Variants in SYTL2 observed in about 807,000 individuals in gnomAD.
The protein encoded by SYTL2 is synaptotagmin-like protein 2.
SYTL2 carries 165 observed loss-of-function variants against 198.7 expected under a neutral mutation model. That is an observed-to-expected ratio of 0.83 (90% CI 0.73 to 0.94). The LOEUF (loss-of-function observed/expected upper bound fraction) is 0.94, where lower values mean the gene tolerates loss of function less well. Ranked by LOEUF, SYTL2 falls within the 40% of genes least tolerant of loss-of-function variation. The pLI is 0.00. For synonymous variants in SYTL2, 966 were observed against 917.7 expected (o/e 1.05, Z -0.95); for missense variants, 2,835 against 2,582.8 (o/e 1.10, Z -2.12).
chr11:85,725,148 C>A lies in SYTL2; in HGVS notation c.4210G>T (p.Val1404Leu). The change falls in exon 8 of 20, where the codon GTA becomes TTA. Residue 1404 changes from valine (V) to leucine (L), a missense_variant. Around this residue, in one of 3 missense-constraint regions of SYTL2, gnomAD observed 2,645 missense variants for 2,381.7 expected, o/e 1.11. Coordinates refer to ENST00000359152, the MANE Select transcript of SYTL2 (RefSeq NM_206927.4). ...GEVNPEFPEA[V>L]QPVCSPLNPP... is the part of the protein sequence containing the mutation. ...TTTAGGGGGCTACATACTGGCTGTA[C>A]TGCTTCAGGAAATTCTGGGTTCACT... is the stretch of plus-strand genomic sequence containing the variant. 6.2e-7 allele frequency: 1 copy of A among 1,614,066 alleles called. No individual in the cohort carries two copies. Among genetic ancestry groups the A allele is most frequent in the South Asian group, 1.1e-5 (1 of 91,058 alleles).
chr11:85,725,709 G>A lies in SYTL2; in HGVS notation c.3649C>T (p.Leu1217=). 1.2e-6 allele frequency: 2 copies of A among 1,614,014 alleles called. No individual in the cohort carries two copies. The highest frequency in any genetic ancestry group is 1.7e-6 in the Non-Finnish European group (2 of 1,179,962). Residue 1217 remains leucine, a synonymous_variant, in exon 8 of 20, where the codon CTG becomes TTG. Transcript: ENST00000359152. ...GGTGAAGTTCCAGTTGCTTCCTTCA[G>A]GAGTTTGTCTAGACTAGCAGTCAAA... ...NSLTASLDKL[L]KEATGTSPSP...
At chr11:85,812,698 G>C (rs1043979093), upstream of SYTL2, among the ~76,000 whole-genome samples, 2 of 152,192 alleles carry the variant, frequency 1.3e-5, no homozygotes, top group African/African-American at 4.8e-5. Flanking sequence ...GCAGAGACAT[G>C]GAGATGCCTG....
At chr11:85,821,672 G>A in the SYTL2 span, among the ~76,000 whole-genome samples, 1 of 152,218 alleles carries the variant, frequency 6.6e-6, no homozygotes, top group South Asian at 2.1e-4. Context: ...TCAGGGACAG[G>A]AGCTATATAT....
intron 1 of SYTL2, among the ~76,000 whole-genome samples, chr11:85,774,334 T>C (rs1178960611): frequency 2.0e-5 from 3 of 152,154 alleles, no homozygotes; most frequent in Non-Finnish European, 4.4e-5. Flanking sequence ...GAAACTGAAG[T>C]TCATGGATCT....
intron 12 of SYTL2, 101 bp downstream of exon 12, chr11:85,714,312 T>G (rs746188264): frequency 5.7e-5 from 53 of 937,994 alleles, no homozygotes; most frequent in Non-Finnish European, 8.7e-5. Context: ...CCTTCTGACC[T>G]CTTTGATCTC....
chr11:85,696,588 A>C (rs754169168), intron 18 of SYTL2, 200 bp from the exon 19 acceptor site: 3 of 579,650 alleles, frequency 5.2e-6, no homozygotes, highest in East Asian at 2.9e-5. Flanking sequence ...AGAGTCAGCT[A>C]TACTTGGTTT....
chr11:85,821,249 G>A, the SYTL2 span, among the ~76,000 whole-genome samples: 1 of 152,102 alleles, frequency 6.6e-6, no homozygotes, highest in African/African-American at 2.4e-5. Context: ...TTTTTCTAAT[G>A]GTACATAAAG....
upstream of SYTL2, among the ~76,000 whole-genome samples, chr11:85,813,781 G>A (rs2093058297): frequency 6.8e-6 from 1 of 146,682 alleles, no homozygotes; most frequent in Admixed American, 6.9e-5. Flanking sequence ...CCCAGGCAGT[G>A]GCACAAACAC....
the SYTL2 span, among the ~76,000 whole-genome samples, chr11:85,827,596 G>A: frequency 2.6e-5 from 4 of 152,086 alleles, no homozygotes; most frequent in Non-Finnish European, 5.9e-5. Flanking sequence ...TCCTAGCAAA[G>A]GCCTGTTTTG....
intron 1 of SYTL2, among the ~76,000 whole-genome samples, chr11:85,790,266 G>A (rs1039349608): frequency 5.3e-5 from 8 of 152,142 alleles, no homozygotes; most frequent in Non-Finnish European, 1.2e-4. Context: ...GATTAGAGAT[G>A]CTCAACCTGT....
intron 1 of SYTL2, among the ~76,000 whole-genome samples, chr11:85,801,444 G>T (rs2153648796): frequency 6.6e-6 from 1 of 152,268 alleles, no homozygotes; most frequent in South Asian, 2.1e-4. Flanking sequence ...AGCATATGGA[G>T]TCACCATTTT....
Position 85,726,756 on chromosome 11 carries a change from G to C in SYTL2, c.2602C>G (p.Leu868Val). Residue 868 changes from leucine (L) to valine (V), a missense_variant, in exon 8 of 20, where the codon CTC (leucine) becomes GTC (valine). Coordinates refer to ENST00000359152, the MANE Select transcript of SYTL2 (RefSeq NM_206927.4). ...VLDEDDQASQLSNSYSSNKSK... is the reference protein window; with the variant it reads ...VLDEDDQASQVSNSYSSNKSK... The stretch of plus-strand genomic sequence containing the variant: ...TTATTTGAGGAATAAGAATTGGAGA[G>C]CTGGGATGCTTGATCATCCTCATCT... The C allele has an allele frequency of 1.3e-6, 2 of 1,536,146 alleles. No homozygotes were observed. The highest frequency in any genetic ancestry group is 1.2e-5 in the South Asian group (1 of 84,062).
chr11:85,726,110 C>T lies in SYTL2; in HGVS notation c.3248G>A (p.Gly1083Glu), dbSNP rs137874226. 1 of 1,613,856 alleles carries T rather than the reference C, an allele frequency of 6.2e-7. No homozygotes were observed. Among genetic ancestry groups the T allele is most frequent in the African/African-American group, 1.3e-5 (1 of 74,920 alleles). Residue 1083 changes from glycine (G) to glutamate (E), a missense_variant, in exon 8 of 20, where the codon GGA becomes GAA. Transcript: ENST00000359152. Reference protein sequence around the residue: ...PLRKYTYQLPGNESSKENVEK... With the variant: ...PLRKYTYQLPENESSKENVEK... ...CACATTTTCCTTTGATGACTCATTT[C>T]CTGGCAACTGATAAGTATACTTTCT...
Position 85,757,842 on chromosome 11 carries a change from G to A in SYTL2, c.-117C>T, listed in dbSNP as rs1478051330. 6.8e-7 allele frequency: 1 copy of A among 1,460,818 alleles called. No individual in the cohort carries two copies. Among genetic ancestry groups the A allele is most frequent in the South Asian group, 1.3e-5 (1 of 79,364 alleles). 90.5% of individuals were successfully genotyped at this position (1,460,818 alleles called of 1,614,324 possible). On this transcript the variant is annotated 5_prime_UTR_variant, in exon 2 of 20. Coordinates refer to ENST00000359152, the MANE Select transcript of SYTL2 (RefSeq NM_206927.4). ...ACACAAAAATGAAATATCTTGTTCA[G>A]TTCTGCATCAAAGTCTTATTTTGGC...
chr11:85,769,119 C>T (rs1004610479), intron 1 of SYTL2, among the ~76,000 whole-genome samples: 1 of 152,174 alleles, frequency 6.6e-6, no homozygotes, highest in African/African-American at 2.4e-5. Context: ...AAGTTATGTT[C>T]CATAAGTATG....
chr11:85,721,988 A>C (rs770590668), intron 8 of SYTL2, among the ~76,000 whole-genome samples: 13 of 152,026 alleles, frequency 8.6e-5, no homozygotes, highest in Non-Finnish European at 1.5e-4. Context: ...TTGCTCCCCA[A>C]AATTACAGTA....
intron 4 of SYTL2, 39 bp downstream of exon 4, chr11:85,745,598 A>T (rs1485465318): frequency 6.3e-7 from 1 of 1,592,608 alleles, no homozygotes; most frequent in East Asian, 2.2e-5. Flanking sequence ...AGGCCATGAA[A>T]GCCACATGCA....
intron 1 of SYTL2, among the ~76,000 whole-genome samples, chr11:85,806,705 A>G (rs1264368919): frequency 1.3e-4 from 20 of 152,248 alleles, no homozygotes. Context: ...CAGAAAGTAG[A>G]AACATTTTCT....
rs759975419 is a variant in SYTL2 at position 85,698,654 on chromosome 11, C to T, written c.6269-576G>A. On this transcript the variant is annotated intron_variant, in intron 17 of 19. Coordinates refer to ENST00000359152, the MANE Select transcript of SYTL2 (RefSeq NM_206927.4). ...CTGGGCTCAAGTGATCCTCCTACCT[C>T]AGCCCTCCCAGAGGAGCTGCAACTA... Among the ~76,000 whole-genome samples the T allele has an allele frequency of 9.2e-5, 14 of 152,278 alleles. No individual in the cohort carries two copies. In the South Asian group the frequency reaches 1.0e-3, roughly 11 times the overall value.
Sources: gnomAD v4.1 joint callset for allele counts (sites outside exome capture counted in the v4.1 genomes callset) on GRCh38, gnomAD v4.1.1 for gene constraint, gnomAD v4.1.1 regional missense constraint, MANE v1.5 for transcripts, NCBI Gene and HGNC (gene_info 2026-07-23, HGNC 2026-07-21) for gene names.